CNTN4: variants seen among roughly 807,000 people sequenced by gnomAD.
CNTN4 encodes the protein contactin-4.
In CNTN4, 77 loss-of-function variants were observed where a neutral mutation model predicts 122.5. The ratio of observed to expected loss-of-function variants is 0.63; its 90% CI spans 0.52 to 0.76. The LOEUF is 0.76. CNTN4 is among the 30% of genes least tolerant of loss of function. CNTN4 has a pLI of 0.00. For missense variants in CNTN4, 1,256 were observed against 1,259.1 expected, an observed-to-expected ratio of 1.00 and a Z score of 0.04; for synonymous variants, 512 against 447.0, an observed-to-expected ratio of 1.15 and a Z score of -1.83.
At chr3:2,900,419 A>C (rs1029866102) in intron 10 of CNTN4, among the ~76,000 whole-genome samples, 10 of 152,196 alleles carry the variant, frequency 6.6e-5, no homozygotes, top group Admixed American at 4.6e-4. Context: ...CTTACAGGAG[A>C]GGGACAGTTA....
intron 2 of CNTN4, among the ~76,000 whole-genome samples, chr3:2,254,561 T>C (rs555652840): frequency 2.6e-5 from 4 of 152,330 alleles, no homozygotes; most frequent in African/African-American, 9.6e-5. Context: ...TGTTGTTTCC[T>C]GACTTTTTAA....
At position 3,038,493 on chromosome 3, in the gene CNTN4, C is replaced by G. The variant is rs41514647; in HGVS notation, c.2093-440C>G. On this transcript the variant is annotated intron_variant, in intron 18 of 24. Coordinates refer to ENST00000418658, the MANE Select transcript of CNTN4 (RefSeq NM_175607.3). Reference sequence around the variant, plus strand: ...ACTGTTCCTTACCCTGGTTGTCGACCTTGCTCTAACTGGTGCAGGCGCTCC... The same window carrying G: ...ACTGTTCCTTACCCTGGTTGTCGACGTTGCTCTAACTGGTGCAGGCGCTCC... 6.3e-4 allele frequency among the ~76,000 whole-genome samples: 96 copies of G among 152,296 alleles called. 7 individuals carry two copies. The East Asian group carries it at 0.015, about 24-fold the overall frequency.
intron 4 of CNTN4, among the ~76,000 whole-genome samples, chr3:2,675,241 C>T (rs1033618441): frequency 1.3e-5 from 2 of 152,048 alleles, no homozygotes; most frequent in African/African-American, 4.8e-5. Flanking sequence ...TTATCTCCTT[C>T]CATCTCCTCT....
intron 3 of CNTN4, among the ~76,000 whole-genome samples, chr3:2,372,111 G>A (rs1010568643): frequency 4.6e-5 from 7 of 152,204 alleles, no homozygotes; most frequent in African/African-American, 1.4e-4. Context: ...GAATAGGAAA[G>A]TTGCATAAAT....
intron 2 of CNTN4, among the ~76,000 whole-genome samples, chr3:2,212,234 C>T (rs2038653538): frequency 6.6e-6 from 1 of 152,104 alleles, no homozygotes; most frequent in Non-Finnish European, 1.5e-5. Flanking sequence ...CTCAGCCTCC[C>T]AAAGTGCTGT....
At chr3:2,571,232 AT>A (rs1234490823) in intron 3 of CNTN4, 183 bp from the exon 4 acceptor site, 25 of 507,972 alleles carry the variant, frequency 4.9e-5, no homozygotes, top group Non-Finnish European at 6.4e-5. Flanking sequence ...CCCAATTATT[AT>A]CTGCAAGAAA....
chr3:2,450,421 G>A (rs1175370389), intron 3 of CNTN4, among the ~76,000 whole-genome samples: 1 of 151,832 alleles, frequency 6.6e-6, no homozygotes, highest in Non-Finnish European at 1.5e-5. Context: ...CCAGTCAGGT[G>A]TGTGTATAGG....
chr3:3,017,014 T>C (rs905079806), intron 14 of CNTN4, among the ~76,000 whole-genome samples: 2 of 152,232 alleles, frequency 1.3e-5, no homozygotes, highest in African/African-American at 4.8e-5. Flanking sequence ...ACTATGTGGC[T>C]GTGCCTCTCG....
At chr3:2,339,740 A>G (rs2044110806) in intron 3 of CNTN4, among the ~76,000 whole-genome samples, 1 of 149,832 alleles carries the variant, frequency 6.7e-6, no homozygotes, top group Non-Finnish European at 1.5e-5. Flanking sequence ...ATATAGATGT[A>G]AAACAGTAAA....
chr3:2,944,126 G>A (rs2094647702), intron 13 of CNTN4, among the ~76,000 whole-genome samples: 2 of 150,848 alleles, frequency 1.3e-5, no homozygotes, highest in African/African-American at 2.4e-5. Flanking sequence ...CCAAGGTCAT[G>A]GTTCAGAGAA....
chr3:2,570,294 C>A (rs979014047), intron 3 of CNTN4, among the ~76,000 whole-genome samples: 1 of 151,966 alleles, frequency 6.6e-6, no homozygotes, highest in African/African-American at 2.4e-5. Flanking sequence ...CTGTCTTAGC[C>A]TCCTGAGTAG....
intron 3 of CNTN4, among the ~76,000 whole-genome samples, chr3:2,363,538 G>A (rs1182527996): frequency 6.6e-6 from 1 of 152,100 alleles, no homozygotes; most frequent in African/African-American, 2.4e-5. Flanking sequence ...AACCATGTGA[G>A]GTAGACATTA....
intron 2 of CNTN4, among the ~76,000 whole-genome samples, chr3:2,163,588 T>C (rs1349899631): frequency 6.6e-6 from 1 of 152,094 alleles, no homozygotes; most frequent in Non-Finnish European, 1.5e-5. Flanking sequence ...GAGAAAATAT[T>C]TGCAAACTAT....
intron 4 of CNTN4, among the ~76,000 whole-genome samples, chr3:2,658,174 C>T (rs1432849015): frequency 6.6e-6 from 1 of 151,638 alleles, no homozygotes; most frequent in African/African-American, 2.4e-5. Flanking sequence ...AGGAAGTTCG[C>T]ACCTTTTGCA....
intron 4 of CNTN4, among the ~76,000 whole-genome samples, chr3:2,593,787 A>G (rs955844438): frequency 4.6e-5 from 7 of 152,162 alleles, no homozygotes; most frequent in Admixed American, 2.0e-4. Flanking sequence ...ATAAAAAACT[A>G]ATCACTTGTC....
intron 6 of CNTN4, among the ~76,000 whole-genome samples, chr3:2,758,666 G>A (rs779712582): frequency 5.9e-5 from 9 of 151,564 alleles, no homozygotes; most frequent in African/African-American, 1.5e-4. Context: ...ATCACCACAC[G>A]CAGCTGATTT....
rs73805376 is a variant in CNTN4 at position 2,661,941 on chromosome 3, A to C, written c.56-74274A>C. Among the ~76,000 whole-genome samples the C allele has an allele frequency of 7.5e-3, 1,136 of 152,204 alleles. 10 individuals carry two copies. Among genetic ancestry groups the C allele is most frequent in the African/African-American group, 0.026 (1,070 of 41,504 alleles). On this transcript the variant is annotated intron_variant, in intron 4 of 24. Transcript: ENST00000418658. ...CCAAATTCAGACAAACACAGAACCC[A>C]ACCCCCTGCCACCTTTTGTTAAAAA...
At chr3:2,674,820 G>C (rs1023636012) in intron 4 of CNTN4, among the ~76,000 whole-genome samples, 2 of 151,504 alleles carry the variant, frequency 1.3e-5, no homozygotes, top group South Asian at 4.2e-4. Context: ...TAGAGCACTA[G>C]AGCTTATTCG....
intron 2 of CNTN4, among the ~76,000 whole-genome samples, chr3:2,150,714 C>A (rs1166341060): frequency 6.6e-6 from 1 of 152,216 alleles, no homozygotes; most frequent in Non-Finnish European, 1.5e-5. Flanking sequence ...CTCTTAAAGT[C>A]ATTCTCAAGC....
Sources: gnomAD v4.1 joint callset for allele counts (sites outside exome capture counted in the v4.1 genomes callset) on GRCh38, gnomAD v4.1.1 for gene constraint, MANE v1.5 for transcripts, NCBI Gene and HGNC (gene_info 2026-07-23, HGNC 2026-07-21) for gene names.